CLDN2: variants seen among roughly 807,000 people sequenced by gnomAD.
The protein encoded by CLDN2 is claudin 2.
CLDN2 carries 1 observed loss-of-function variant against 8.2 expected under a neutral mutation model. The ratio of observed to expected loss-of-function variants is 0.12; its 90% CI spans 0.04 to 0.58. The LOEUF (loss-of-function observed/expected upper bound fraction) is 0.58, where lower values mean the gene tolerates loss of function less well. CLDN2 is among the 20% of genes least tolerant of loss of function. The pLI, the probability that CLDN2 is intolerant of heterozygous loss-of-function variation, is 0.90. For synonymous variants in CLDN2, 70 were observed against 70.2 expected (o/e 1.00, Z 0.01); for missense variants, 108 against 172.9 (o/e 0.62, Z 2.11).
intron 1 of CLDN2, chrX:106,903,190 C>T: frequency 8.3e-7 from 1 of 1,210,416 alleles, no homozygotes; most frequent in Non-Finnish European, 1.1e-6. Context: ...GCTTAACAGG[C>T]CAGGGAGTGC....
chrX:106,926,297 G>A (rs997336330), intron 1 of CLDN2, among the ~76,000 whole-genome samples: 13 of 111,567 alleles, frequency 1.2e-4, no homozygotes, highest in African/African-American at 4.2e-4. Flanking sequence ...AATTCGAGAT[G>A]TCTATGAGAT....
intron 1 of CLDN2, among the ~76,000 whole-genome samples, chrX:106,905,602 G>A (rs1331738861): frequency 8.9e-6 from 1 of 111,773 alleles, no homozygotes; most frequent in Admixed American, 9.4e-5. Context: ...GAAGGAGATG[G>A]TGTGCAAAGG....
chrX:106,918,344 C>A (rs1385671328), upstream of CLDN2: 1 of 111,589 alleles, frequency 9.0e-6, no homozygotes, highest in African/African-American at 3.3e-5. Flanking sequence ...CCCAAAGACT[C>A]CCCAGGCCTG....
At chrX:106,927,899 G>A (rs1409152230) in intron 1 of CLDN2, among the ~76,000 whole-genome samples, 152 bp from the exon 2 acceptor site, 16 of 107,533 alleles carry the variant, frequency 1.5e-4, no homozygotes, top group African/African-American at 5.6e-4. Context: ...CGCAGGAGGC[G>A]ATGACATTTT....
intron 1 of CLDN2, among the ~76,000 whole-genome samples, chrX:106,926,891 TCACACACA>T (rs36178406): frequency 0.024 from 247 of 10,262 alleles, 17 homozygotes; most frequent in African/African-American, 0.079. Flanking sequence ...GGCAGGAGGA[TCACACACA>T]CACACACACA....
At chrX:106,902,884 A>G (rs1381636973) in intron 1 of CLDN2, among the ~76,000 whole-genome samples, 2 of 112,294 alleles carry the variant, frequency 1.8e-5, no homozygotes, top group Middle Eastern at 4.2e-3. Context: ...CACCTGGCCT[A>G]TGAGGACCTG....
Position 106,928,941 on chromosome X carries a change from G to A in CLDN2, c.*20G>A, listed in dbSNP as rs1013632794. On this transcript the variant is annotated 3_prime_UTR_variant, in exon 2 of 2. Transcript: ENST00000336803. ...GTGTGAAGAACCAGGGGCCAGAGCT[G>A]GGGGGTGGCTGGGTCTGTGAAAAAC... 9 of 1,177,770 alleles carry A rather than the reference G, an allele frequency of 7.6e-6. No individual in the cohort carries two copies. The highest frequency in any genetic ancestry group is 2.3e-4 in the Middle Eastern group (1 of 4,267).
At chrX:106,922,825 T>C (rs1273240513) in intron 1 of CLDN2, among the ~76,000 whole-genome samples, 1 of 111,174 alleles carries the variant, frequency 9.0e-6, no homozygotes, top group Non-Finnish European at 1.9e-5. Context: ...CATATGTGTA[T>C]GTATAGGAGC....
intron 1 of CLDN2, among the ~76,000 whole-genome samples, chrX:106,904,760 T>A (rs1254983196): frequency 8.9e-6 from 1 of 112,225 alleles, no homozygotes; most frequent in Non-Finnish European, 1.9e-5. Context: ...CAATTTCATA[T>A]TAAAATTGGC....
chrX:106,900,577 C>T (rs1793160497), intron 1 of CLDN2: 12 of 902,547 alleles, frequency 1.3e-5, no homozygotes, highest in Non-Finnish European at 1.8e-5. Flanking sequence ...TGGACTAATA[C>T]TTCCGGCTAA....
rs1933507141 is a variant in CLDN2 at position 106,928,858 on chromosome X, G to A, written c.630G>A (p.Arg210=). Residue 210 remains arginine, a synonymous_variant, in exon 2 of 2, where the codon AGG becomes AGA. Transcript: ENST00000336803. ...CTCTTGCCACAAGGAGCTCTCCAAG[G>A]CCTGGTCAACCTCCCAAAGTCAAGA... ...AQPLATRSSP[R]PGQPPKVKSE... The A allele has an allele frequency of 8.3e-7, 1 of 1,211,540 alleles. No individual in the cohort carries two copies. The highest frequency in any genetic ancestry group is 1.7e-5 in the African/African-American group (1 of 57,705).
chrX:106,912,490 T>G (rs1324505340), intron 1 of CLDN2, among the ~76,000 whole-genome samples: 1 of 99,449 alleles, frequency 1.0e-5, no homozygotes, highest in African/African-American at 3.7e-5. Context: ...CATGGCTCAC[T>G]GCAGCCTCGA....
chrX:106,914,333 T>C (rs765406986), upstream of CLDN2, among the ~76,000 whole-genome samples: 3 of 111,207 alleles, frequency 2.7e-5, no homozygotes, highest in Admixed American at 9.6e-5. Context: ...AACACAAACA[T>C]GGGAGTGATA....
chrX:106,906,816 T>C (rs1319988665), intron 1 of CLDN2, among the ~76,000 whole-genome samples: 1 of 111,551 alleles, frequency 9.0e-6, no homozygotes, highest in Non-Finnish European at 1.9e-5. Flanking sequence ...CAGCTCTTTC[T>C]CTCCTGATTA....
intron 1 of CLDN2, 102 bp from the exon 2 acceptor site, chrX:106,927,947 ATG>A (rs1933492490): frequency 5.4e-6 from 1 of 185,243 alleles, no homozygotes; most frequent in East Asian, 2.3e-4. Context: ...TTCCTTTCTC[ATG>A]TGTTATTTCT....
At chrX:106,923,228 CT>C (rs1400128296) in intron 1 of CLDN2, among the ~76,000 whole-genome samples, 7 of 112,481 alleles carry the variant, frequency 6.2e-5, no homozygotes, top group Admixed American at 5.6e-4. Flanking sequence ...CCGCCTCGGC[CT>C]CCCAAAGTGC....
intron 1 of CLDN2, among the ~76,000 whole-genome samples, chrX:106,909,880 T>C (rs1026582746): frequency 9.0e-6 from 1 of 111,560 alleles, no homozygotes; most frequent in African/African-American, 3.3e-5. Flanking sequence ...GCGGGCTCTC[T>C]TGGCAGAACC....
chrX:106,917,747 C>T (rs1299979652), upstream of CLDN2, among the ~76,000 whole-genome samples: 2 of 111,160 alleles, frequency 1.8e-5, no homozygotes, highest in Non-Finnish European at 3.8e-5. Context: ...TTCCCATACT[C>T]TTATTTCCCT....
Position 106,903,015 on chromosome X carries a change from G to A in CLDN2, c.-179+2511G>A, listed in dbSNP as rs1022328055. ...GCTAGAGTTGAGGAGGGAGGGCTAT[G>A]AGGCCATTGCTTTTCCCCTTCACAG... On this transcript the variant is annotated intron_variant, in intron 1 of 1. Coordinates refer to the CLDN2 transcript ENST00000541806. The A allele has an allele frequency of 3.9e-6, 3 of 759,665 alleles. No individual in the cohort carries two copies. In the African/African-American group the frequency reaches 6.3e-5, roughly 16 times the overall value. 62.6% of individuals were successfully genotyped at this position (759,665 alleles called of 1,213,427 possible).
Sources: gnomAD v4.1 joint callset for allele counts (sites outside exome capture counted in the v4.1 genomes callset) on GRCh38, gnomAD v4.1.1 for gene constraint, MANE v1.5 for transcripts, NCBI Gene and HGNC (gene_info 2026-07-23, HGNC 2026-07-21) for gene names.